Variants in STPG3 observed in about 807,000 individuals in gnomAD.
The protein encoded by STPG3 is protein STPG3.
In STPG3, 39 loss-of-function variants were observed where a neutral mutation model predicts 32.5. That is an observed-to-expected ratio of 1.20 (90% confidence interval 0.93 to 1.57). STPG3 has a LOEUF of 1.57. STPG3 is among the 40% of genes most tolerant of loss of function. The pLI, the probability that STPG3 is intolerant of heterozygous loss-of-function variation, is 0.00. For missense variants in STPG3, 507 were observed against 407.6 expected, an observed-to-expected ratio of 1.24 and a Z score of -2.10; for synonymous variants, 209 against 172.4, an observed-to-expected ratio of 1.21 and a Z score of -1.66.
chr9:137,252,222 C>T (rs1429206230), intron 3 of STPG3, 87 bp downstream of exon 3: 25 of 1,516,198 alleles, frequency 1.6e-5, no homozygotes, highest in East Asian at 1.1e-4. Context: ...GAAACCCCCA[C>T]GGCCTGAGGG....
Position 137,252,115 on chromosome 9 carries a change from G to A in STPG3, c.383G>A (p.Gly128Asp), listed in dbSNP as rs554001293. The A allele has an allele frequency of 3.1e-6, 5 of 1,611,410 alleles. No individual in the cohort carries two copies. In the South Asian group the frequency reaches 4.4e-5, roughly 14 times the overall value. Reference sequence around the variant, plus strand: ...TCCCCACACCCCCACTACAGCATCGGCTGCAAGCACCAGGGCCGAGGTGTG... The same window carrying A: ...TCCCCACACCCCCACTACAGCATCGACTGCAAGCACCAGGGCCGAGGTGTG... The part of the protein sequence containing the change: ...ESSPHPHYSI[G>D]CKHQGREGGG... The change falls in exon 3 of 6, where the codon GGC becomes GAC. Residue 128 changes from glycine (G) to aspartate (D), a missense_variant. Transcript: ENST00000412566.
At position 137,252,147 on chromosome 9, in the gene STPG3, CT is replaced by C. The variant is rs1837366851; in HGVS notation, c.403+13del. 6.9e-6 allele frequency: 11 copies of C among 1,600,118 alleles called. No individual in the cohort carries two copies. Among genetic ancestry groups the C allele is most frequent in the Non-Finnish European group, 8.5e-6 (10 of 1,172,744 alleles). On this transcript the variant is annotated intron_variant, in intron 3 of 5. Coordinates refer to ENST00000412566, the MANE Select transcript of STPG3 (RefSeq NM_001004353.4). The stretch of plus-strand genomic sequence containing the variant: ...GCACCAGGGCCGAGGTGTGTGTCCC[CT>C]CCCTGAGGCCCAACCACCGGGCCTG...
At position 137,252,074 on chromosome 9, in the gene STPG3, G is replaced by A. The variant is rs74822962; in HGVS notation, c.342G>A (p.Pro114=). The A allele has an allele frequency of 1.4e-3, 2,229 of 1,612,960 alleles. 25 individuals carry two copies. The African/African-American group carries it at 0.026, about 19-fold the overall frequency. ...CCACCAGGTACCAGGTGCCGAGCCCGTCCGTACGAGAGTCCTCCCCACACC... is the reference window on the plus strand; with the variant it reads ...CCACCAGGTACCAGGTGCCGAGCCCATCCGTACGAGAGTCCTCCCCACACC... The part of the protein sequence containing the change: ...PSPTRYQVPS[P]SVRESSPHPH... The change falls in exon 3 of 6, where the codon CCG becomes CCA. Residue 114 remains proline, a synonymous_variant. Transcript: ENST00000412566.
chr9:137,252,108 A>G lies in STPG3; in HGVS notation c.376A>G (p.Ser126Gly), dbSNP rs28657439. Residue 126 changes from serine to glycine, a missense_variant, in exon 3 of 6, where the codon AGC (serine) becomes GGC (glycine). Ser to Gly is a moderately conservative substitution (Grantham distance 56, BLOSUM62 0). Coordinates refer to ENST00000412566, the MANE Select transcript of STPG3 (RefSeq NM_001004353.4). The stretch of plus-strand genomic sequence containing the variant: ...AGAGTCCTCCCCACACCCCCACTAC[A>G]GCATCGGCTGCAAGCACCAGGGCCG... ...VRESSPHPHY[S>G]IGCKHQGREG... 0.014 allele frequency: 23,213 copies of G among 1,611,880 alleles called. 220 individuals are homozygous for G. Among genetic ancestry groups the G allele is most frequent in the Non-Finnish European group, 0.018 (21,493 of 1,179,586 alleles).
chr9:137,251,702 G>A (rs1229158069), intron 1 of STPG3, 36 bp from the exon 2 acceptor site: 31 of 1,549,042 alleles, frequency 2.0e-5, no homozygotes, highest in African/African-American at 4.1e-5. Flanking sequence ...GGGAGCGGCC[G>A]GGGGCTGAGA....
chr9:137,252,663 G>A lies in STPG3; in HGVS notation c.494G>A (p.Trp165Ter), dbSNP rs1265581625. 1 of 1,543,288 alleles carries A rather than the reference G, an allele frequency of 6.5e-7. No homozygotes were observed. Among genetic ancestry groups the A allele is most frequent in the Non-Finnish European group, 8.8e-7 (1 of 1,142,070 alleles). The change falls in exon 5 of 6, where the codon TGG becomes TAG. Residue 165 changes from tryptophan to a stop codon, truncating the protein, a stop_gained and splice_region_variant. Coordinates refer to ENST00000412566, the MANE Select transcript of STPG3 (RefSeq NM_001004353.4). LOFTEE classifies it high-confidence loss of function. ...AGCCCGTCTCCTACCCCCTCGCAGTGGCCCTCGCCAGCCCACTACCAGCTG... is the reference window on the plus strand; with the variant it reads ...AGCCCGTCTCCTACCCCCTCGCAGTAGCCCTCGCCAGCCCACTACCAGCTG... ...QKADFDQEQKWPSPAHYQLLS... is the reference protein window; with the variant it reads ...QKADFDQEQK
At chr9:137,252,592 C>A (rs1588879653) in intron 4 of STPG3, 67 bp downstream of exon 4, 2 of 1,511,356 alleles carry the variant, frequency 1.3e-6, no homozygotes, top group Non-Finnish European at 1.8e-6. Flanking sequence ...TCCAGTGGGG[C>A]CAAAGGGGGG....
chr9:137,252,360 C>T (rs1260726410), intron 3 of STPG3, 77 bp from the exon 4 acceptor site: 23 of 1,480,022 alleles, frequency 1.6e-5, no homozygotes. Context: ...AGGGTGGGAA[C>T]CGGGAGACAG....
At chr9:137,252,392 T>C (rs1188319528) in intron 3 of STPG3, 45 bp from the exon 4 acceptor site, 1 of 1,577,030 alleles carries the variant, frequency 6.3e-7, no homozygotes, top group Admixed American at 1.8e-5. Context: ...GACTGTCACC[T>C]GGGTGGGGCT....
At chr9:137,251,483 A>G (rs1336139114) in intron 1 of STPG3, 87 bp downstream of exon 1, 8 of 1,132,906 alleles carry the variant, frequency 7.1e-6, no homozygotes, top group Non-Finnish European at 1.0e-5. Context: ...GTTGCTGGGC[A>G]GGCGGCTGGG....
rs764744267 is a variant in STPG3 at position 137,252,856 on chromosome 9, C to T, written c.687C>T (p.Cys229=). ...CTTTGCAGGCACCTGGCAAGAGATG[C>T]CCTGGCCCCAACACCTACAATATCC... is the stretch of plus-strand genomic sequence containing the variant. ...QASLQAPGKR[C]PGPNTYNILP... Residue 229 remains cysteine (C), a synonymous_variant, in exon 5 of 6, where the codon TGC becomes TGT. Transcript: ENST00000412566. The T allele has an allele frequency of 1.3e-6, 2 of 1,580,442 alleles. No homozygotes were observed. The highest frequency in any genetic ancestry group is 4.7e-5 in the East Asian group (2 of 42,944).
At position 137,252,078 on chromosome 9, in the gene STPG3, G is replaced by C. The variant is rs760591785; in HGVS notation, c.346G>C (p.Val116Leu). 3.1e-6 allele frequency: 5 copies of C among 1,612,716 alleles called. No homozygotes were observed. Among genetic ancestry groups the C allele is most frequent in the Non-Finnish European group, 3.4e-6 (4 of 1,179,614 alleles). ...CAGGTACCAGGTGCCGAGCCCGTCC[G>C]TACGAGAGTCCTCCCCACACCCCCA... ...PTRYQVPSPS[V>L]RESSPHPHYS... The change falls in exon 3 of 6, where the codon GTA (valine) becomes CTA (leucine). Residue 116 changes from valine to leucine, a missense_variant. Transcript: ENST00000412566.
chr9:137,251,563 T>G (rs886784117), intron 1 of STPG3, among the ~76,000 whole-genome samples, 167 bp downstream of exon 1: 1 of 94,492 alleles, frequency 1.1e-5, no homozygotes, highest in Non-Finnish European at 2.2e-5. Flanking sequence ...TGAGGGACAG[T>G]AGAGGGGACA....
At position 137,252,974 on chromosome 9, in the gene STPG3, G is replaced by A; in HGVS notation, c.796+9G>A. The stretch of plus-strand genomic sequence containing the variant: ...CTCCTGGCTCAGCACCTGTAAGGAG[G>A]CCTGGAGAGAAGAGGGCTAGGGATG... On this transcript the variant is annotated intron_variant, in intron 5 of 5. Coordinates refer to ENST00000412566, the MANE Select transcript of STPG3 (RefSeq NM_001004353.4). 1 of 1,589,854 alleles carries A rather than the reference G, an allele frequency of 6.3e-7. No individual in the cohort carries two copies. Among genetic ancestry groups the A allele is most frequent in the Non-Finnish European group, 8.6e-7 (1 of 1,167,204 alleles).
Position 137,251,888 on chromosome 9 carries a change from G to C in STPG3, c.261G>C (p.Arg87Ser). The C allele has an allele frequency of 6.2e-7, 1 of 1,607,526 alleles. No homozygotes were observed. Among genetic ancestry groups the C allele is most frequent in the Non-Finnish European group, 8.5e-7 (1 of 1,177,174 alleles). The change falls in exon 2 of 6, where the codon AGG becomes AGC. Residue 87 changes from arginine to serine, a missense_variant. By Grantham distance (110) the Arg-to-Ser change is moderately radical. Coordinates refer to ENST00000412566, the MANE Select transcript of STPG3 (RefSeq NM_001004353.4). Reference sequence around the variant, plus strand: ...TGCCCACCTACACCCAGACCCTGAGGGAACTATGTGAGTGAGGGTCCTGGC... The same window carrying C: ...TGCCCACCTACACCCAGACCCTGAGCGAACTATGTGAGTGAGGGTCCTGGC... ...ESLPTYTQTL[R>S]ELLLEQRPLI...
chr9:137,252,792 T>C lies in STPG3; in HGVS notation c.623T>C (p.Leu208Pro). Reference sequence around the variant, plus strand: ...CTAGGGCTGCCTGGGGCTAGGGGGCTGGGCCTCAGGGTGCAGCCCCAGTCC... The same window carrying C: ...CTAGGGCTGCCTGGGGCTAGGGGGCCGGGCCTCAGGGTGCAGCCCCAGTCC... ...THLGLPGARGLGLRVQPQSLL... is the reference protein window; with the variant it reads ...THLGLPGARGPGLRVQPQSLL... Residue 208 changes from leucine to proline, a missense_variant, in exon 5 of 6, where the codon CTG (leucine) becomes CCG (proline). Leu to Pro is a moderately conservative substitution (Grantham distance 98, BLOSUM62 -3). Coordinates refer to ENST00000412566, the MANE Select transcript of STPG3 (RefSeq NM_001004353.4). 1 of 1,563,074 alleles carries C rather than the reference T, an allele frequency of 6.4e-7. No individual in the cohort carries two copies. The highest frequency in any genetic ancestry group is 8.7e-7 in the Non-Finnish European group (1 of 1,154,388).
At position 137,253,131 on chromosome 9, in the gene STPG3, A is replaced by G. The variant is rs1197106484; in HGVS notation, c.813A>G (p.Pro271=). 3 of 1,577,502 alleles carry G rather than the reference A, an allele frequency of 1.9e-6. No homozygotes were observed. In the African/African-American group the frequency reaches 4.1e-5, roughly 21 times the overall value. ...TTTCGGCAGCCCGAACCCCTGGCCC[A>G]GCCGCCTACCACGTGGAGGACTGCA... The part of the protein sequence containing the change: ...SWLSTSRTPG[P]AAYHVEDCNS... Residue 271 remains proline, a synonymous_variant, in exon 6 of 6, where the codon CCA becomes CCG. Transcript: ENST00000412566.
rs752252906 is a variant in STPG3, at chr9:137,251,843, G to T, written c.216G>T (p.Thr72=). The change falls in exon 2 of 6, where the codon ACG becomes ACT. Residue 72 remains threonine, a synonymous_variant. Coordinates refer to ENST00000412566, the MANE Select transcript of STPG3 (RefSeq NM_001004353.4). ...KEIPVGLRLQ[T]GTPQESLPTY... Reference sequence around the variant, plus strand: ...TCCCAGTTGGCCTCAGGTTACAGACGGGCACCCCCCAGGAGTCCCTGCCCA... The same window carrying T: ...TCCCAGTTGGCCTCAGGTTACAGACTGGCACCCCCCAGGAGTCCCTGCCCA... The T allele has an allele frequency of 1.2e-6, 2 of 1,607,378 alleles. No homozygotes were observed. Among genetic ancestry groups the T allele is most frequent in the South Asian group, 1.1e-5 (1 of 89,838 alleles).
Position 137,252,616 on chromosome 9 carries a change from C to T in STPG3, c.493-46C>T, listed in dbSNP as rs1328026358. ...GCCAAAGGGGGGCTGGCTGAGGGTCCGTGGGGAGCACCCTGCCCTGCAGCC... is the reference window on the plus strand; with the variant it reads ...GCCAAAGGGGGGCTGGCTGAGGGTCTGTGGGGAGCACCCTGCCCTGCAGCC... On this transcript the variant is annotated intron_variant, in intron 4 of 5. Transcript: ENST00000412566. 10 of 1,519,280 alleles carry T rather than the reference C, an allele frequency of 6.6e-6. No individual in the cohort carries two copies. The East Asian group carries it at 7.5e-5, about 11-fold the overall frequency. The allele number at this position is 1,519,280 out of a possible 1,614,324, so 94.1% of individuals were successfully genotyped here.
Sources: allele counts gnomAD v4.1 joint callset (sites outside exome capture counted in the v4.1 genomes callset), GRCh38; gene constraint gnomAD v4.1.1; transcripts MANE v1.5; gene names NCBI Gene and HGNC (gene_info 2026-07-23, HGNC 2026-07-21).